The following TRIM16 variants were observed in gnomAD, a reference collection of about 807,000 sequenced individuals.
TRIM16 encodes tripartite motif-containing protein 16.
TRIM16 carries 33 observed loss-of-function variants against 50.4 expected under a neutral mutation model. The observed-to-expected ratio is 0.65, with a 90% CI of 0.50 to 0.88. The LOEUF is 0.88. Ranked by LOEUF, TRIM16 falls within the 40% of genes least tolerant of loss-of-function variation. TRIM16 has a pLI of 0.00. For missense variants in TRIM16, 581 were observed against 686.8 expected (o/e 0.85, Z 1.72); for synonymous variants, 229 against 270.7 (o/e 0.85, Z 1.51).
At chr17:15,645,339 T>G (rs1248762905) in intron 7 of TRIM16, among the ~76,000 whole-genome samples, 1 of 152,142 alleles carries the variant, frequency 6.6e-6, no homozygotes, top group African/African-American at 2.4e-5. Flanking sequence ...CTACCATGGC[T>G]GCTTTCCATT....
chr17:15,636,400 G>A, intron 8 of TRIM16, 131 bp from the exon 9 acceptor site: 2 of 843,664 alleles, frequency 2.4e-6, no homozygotes, highest in Middle Eastern at 3.2e-4. Context: ...ATTGTAAAAG[G>A]AATCCTTTAT....
In TRIM16 at chr17:15,642,421, C is replaced by T. The variant is rs886854194; in HGVS notation, c.615+300G>A. Among the ~76,000 whole-genome samples the T allele has an allele frequency of 2.7e-5, 4 of 148,622 alleles. 1 individual carries two copies. Among genetic ancestry groups the T allele is most frequent in the African/African-American group, 9.9e-5 (4 of 40,306 alleles). ...ACCTCTGACTAAACTCCCAGCCCCC[C>T]ACACACATACACCCTGTCAAGACAG... On this transcript the variant is annotated intron_variant, in intron 8 of 11. Transcript: ENST00000649191.
chr17:15,659,545 A>C (rs1015943618), intron 6 of TRIM16, among the ~76,000 whole-genome samples: 1 of 152,254 alleles, frequency 6.6e-6, no homozygotes, highest in African/African-American at 2.4e-5. Context: ...TTGAATCTCC[A>C]TATCAACCTC....
At chr17:15,659,945 G>A (rs564943095) in intron 6 of TRIM16, among the ~76,000 whole-genome samples, 54 of 152,228 alleles carry the variant, frequency 3.5e-4, no homozygotes, top group African/African-American at 1.2e-3. Context: ...AAGCAGCTCA[G>A]CAAGGCCAAT....
At chr17:15,678,061 C>CA (rs1448654617) in intron 4 of TRIM16, among the ~76,000 whole-genome samples, 13 of 151,608 alleles carry the variant, frequency 8.6e-5, no homozygotes, top group Admixed American at 4.6e-4. Flanking sequence ...ACTATAAATA[C>CA]AAAAAAAATT....
In TRIM16 at chr17:15,639,054, T is replaced by C. The variant is rs1458203853; in HGVS notation, c.616-2785A>G. On this transcript the variant is annotated intron_variant, in intron 8 of 11. Coordinates refer to ENST00000649191, the MANE Select transcript of TRIM16 (RefSeq NM_001348119.1). ...CCTACATTCTCTCTCTCTTTTTTTT[T>C]TTTTTTTTTTTTTTTTTTAGACAAG... is the stretch of plus-strand genomic sequence containing the variant. Among the ~76,000 whole-genome samples, 123 of 131,260 alleles carry C rather than the reference T, an allele frequency of 9.4e-4. 2 individuals carry two copies. Among genetic ancestry groups the C allele is most frequent in the Non-Finnish European group, 1.6e-3 (98 of 61,418 alleles). The allele number at this position is 131,260 out of a possible 152,430, so 86.1% of individuals were successfully genotyped here. A position where few individuals can be genotyped will look rare whatever the true frequency, so the allele number is the denominator to read the frequency against.
chr17:15,639,477 C>T (rs1165430100), intron 8 of TRIM16, among the ~76,000 whole-genome samples: 1 of 147,962 alleles, frequency 6.8e-6, no homozygotes, highest in Non-Finnish European at 1.5e-5. Context: ...GGATGGTAGA[C>T]TTTATCCAAA....
At chr17:15,681,832 CAGTACTT>C (rs1473340237) in intron 3 of TRIM16, among the ~76,000 whole-genome samples, 3 of 152,250 alleles carry the variant, frequency 2.0e-5, no homozygotes, top group African/African-American at 7.2e-5. Context: ...CTCCAAAAAG[CAGTACTT>C]AAACCTCCTT....
chr17:15,682,934 A>C lies in TRIM16; in HGVS notation c.-759T>G, dbSNP rs1299187128. On this transcript the variant is annotated 5_prime_UTR_variant, in exon 3 of 12. Coordinates refer to ENST00000649191, the MANE Select transcript of TRIM16 (RefSeq NM_001348119.1). ...TGCCCAAGTTCTCTGTGCTGCCCAC[A>C]CACATTTTACAAGGTTGCTGTAAAG... 6.5e-7 allele frequency: 1 copy of C among 1,534,124 alleles called. No individual in the cohort carries two copies.
intron 7 of TRIM16, among the ~76,000 whole-genome samples, chr17:15,648,633 A>C (rs916866949): frequency 2.0e-5 from 3 of 152,204 alleles, no homozygotes; most frequent in African/African-American, 7.2e-5. Context: ...GGCCTGGGCT[A>C]GCTGAAGGGA....
In TRIM16 at chr17:15,651,713, G is replaced by A; in HGVS notation, c.-104C>T. 6.5e-7 allele frequency: 1 copy of A among 1,539,772 alleles called. No homozygotes were observed. Among genetic ancestry groups the A allele is most frequent in the Non-Finnish European group, 8.7e-7 (1 of 1,147,384 alleles). ...CCACGCCTAGATGATTGCAGCTGCT[G>A]CAAGATTTTAACTGTTTCCTCCCTC... On this transcript the variant is annotated 5_prime_UTR_variant, in exon 7 of 12. The change creates a premature stop within an existing upstream ORF in the 5' untranslated region. Transcript: ENST00000649191.
At chr17:15,631,347 G>C (rs1426862450) in intron 11 of TRIM16, among the ~76,000 whole-genome samples, 1 of 152,234 alleles carries the variant, frequency 6.6e-6, no homozygotes, top group Non-Finnish European at 1.5e-5. Context: ...TCAATGTATT[G>C]TAGTTATGTA....
chr17:15,653,029 G>A (rs1227820964), intron 6 of TRIM16, among the ~76,000 whole-genome samples: 1 of 152,166 alleles, frequency 6.6e-6, no homozygotes. Context: ...CTGGAGGTGG[G>A]GCCTGGTGGG....
In TRIM16 at chr17:15,651,366, C is replaced by G. The variant is rs749500109; in HGVS notation, c.244G>C (p.Asp82His). Residue 82 changes from aspartate (D) to histidine (H), a missense_variant, in exon 7 of 12, where the codon GAT becomes CAT. Coordinates refer to ENST00000649191, the MANE Select transcript of TRIM16 (RefSeq NM_001348119.1). ...ACTGCCTTCACTCTTCTGGTGTCAT[C>G]AAGGCAGAAGTCACACAGGACCTCT... ...GKEVLCDFCL[D>H]DTRRVKAVKS... 3.1e-6 allele frequency: 5 copies of G among 1,614,110 alleles called. No individual in the cohort carries two copies. The highest frequency in any genetic ancestry group is 1.7e-6 in the Non-Finnish European group (2 of 1,180,044).
At chr17:15,662,109 C>T (rs896589917) in intron 6 of TRIM16, among the ~76,000 whole-genome samples, 5 of 152,190 alleles carry the variant, frequency 3.3e-5, no homozygotes, top group Non-Finnish European at 5.9e-5. Flanking sequence ...TGCAGCCTGT[C>T]GGCCAGTGGT....
intron 6 of TRIM16, among the ~76,000 whole-genome samples, chr17:15,666,976 G>A (rs548799381): frequency 1.3e-5 from 2 of 152,186 alleles, no homozygotes; most frequent in African/African-American, 4.8e-5. Flanking sequence ...TCTGCCTTGG[G>A]GGGGCGGTGG....
rs1597634535 is a variant in TRIM16 at position 15,651,800 on chromosome 17, A to G, written c.-191T>C. 1 of 1,461,300 alleles carries G rather than the reference A, an allele frequency of 6.8e-7. No homozygotes were observed. The highest frequency in any genetic ancestry group is 2.5e-5 in the East Asian group (1 of 40,240). 90.5% of individuals were successfully genotyped at this position (1,461,300 alleles called of 1,614,324 possible). A position where few individuals can be genotyped will look rare whatever the true frequency, so the allele number is the denominator to read the frequency against. ...CGCTGGATGGCAGCCAGATGCGATG[A>G]CGACAAGGCAGCTAGAGTACTCAGG... On this transcript the variant is annotated 5_prime_UTR_variant, in exon 7 of 12. Transcript: ENST00000649191.
In TRIM16 at chr17:15,682,880, A is replaced by C; in HGVS notation, c.-705T>G. The C allele has an allele frequency of 1.0e-5, 15 of 1,458,148 alleles. No homozygotes were observed. Among genetic ancestry groups the C allele is most frequent in the Non-Finnish European group, 1.4e-5 (15 of 1,108,012 alleles). 90.3% of individuals were successfully genotyped at this position (1,458,148 alleles called of 1,614,324 possible). A position where few individuals can be genotyped will look rare whatever the true frequency, so the allele number is the denominator to read the frequency against. ...ACGCACCAGGTGCTTTCCATAAATC[A>C]GTATTCACAGATGAGGAAACTGTTA... On this transcript the variant is annotated 5_prime_UTR_variant, in exon 3 of 12. Coordinates refer to ENST00000649191, the MANE Select transcript of TRIM16 (RefSeq NM_001348119.1).
intron 7 of TRIM16, among the ~76,000 whole-genome samples, chr17:15,647,992 G>A (rs1372909963): frequency 7.9e-5 from 12 of 152,234 alleles, no homozygotes; most frequent in Middle Eastern, 6.8e-3. Context: ...TTGGGAGGCC[G>A]AGGCAGGGGG....
Sources: gnomAD v4.1 joint callset for allele counts (sites outside exome capture counted in the v4.1 genomes callset) on GRCh38, gnomAD v4.1.1 for gene constraint, MANE v1.5 for transcripts, NCBI Gene and HGNC (gene_info 2026-07-23, HGNC 2026-07-21) for gene names.